AOX1: variants seen among roughly 807,000 people sequenced by gnomAD.
The protein encoded by AOX1 is aldehyde oxidase 1.
A neutral mutation model predicts 169.5 loss-of-function variants in AOX1; 153 were observed. The observed-to-expected ratio is 0.90, with a 90% CI of 0.79 to 1.03. The LOEUF (loss-of-function observed/expected upper bound fraction) is 1.03, where lower values mean the gene tolerates loss of function less well. Ranked by LOEUF, AOX1 falls within the 50% of genes least tolerant of loss-of-function variation. AOX1 has a pLI of 0.00. For missense variants in AOX1, 1,656 were observed against 1,663.9 expected, an observed-to-expected ratio of 1.00 and a Z score of 0.08; for synonymous variants, 562 against 581.9, an observed-to-expected ratio of 0.97 and a Z score of 0.49.
At chr2:200,625,371 C>T (rs953372715) in intron 19 of AOX1, among the ~76,000 whole-genome samples, 3 of 152,106 alleles carry the variant, frequency 2.0e-5, no homozygotes, top group Admixed American at 1.3e-4. Flanking sequence ...CTCTCCACTC[C>T]CCCTACCTTC....
At chr2:200,642,290 T>C (rs2035367181) in intron 24 of AOX1, among the ~76,000 whole-genome samples, 1 of 152,218 alleles carries the variant, frequency 6.6e-6, no homozygotes, top group South Asian at 2.1e-4. Context: ...TCCAGGATAT[T>C]ATATTCATTA....
chr2:200,680,503 A>G (rs1296842913), downstream of AOX1, among the ~76,000 whole-genome samples: 1 of 152,042 alleles, frequency 6.6e-6, no homozygotes, highest in Non-Finnish European at 1.5e-5. Flanking sequence ...CATCAGAGGC[A>G]CACAACAGTG....
intron 5 of AOX1, among the ~76,000 whole-genome samples, chr2:200,600,354 G>A (rs916578664): frequency 2.0e-5 from 3 of 152,164 alleles, no homozygotes; most frequent in Non-Finnish European, 2.9e-5. Context: ...AGAGGGCTGC[G>A]ATGGTTACAG....
In AOX1 at chr2:200,643,386, TAC is replaced by T. The variant is rs71405400; in HGVS notation, c.2847+597_2847+598del. Among the ~76,000 whole-genome samples the T allele has an allele frequency of 1.5e-4, 22 of 149,454 alleles. No homozygotes were observed. The East Asian group carries it at 4.0e-3, about 27-fold the overall frequency. On this transcript the variant is annotated intron_variant, in intron 25 of 34. Transcript: ENST00000374700. ...ACACATATATATGTGTATATATATA[TAC>T]ACACACACACATATATATATATATA...
intron 4 of AOX1, among the ~76,000 whole-genome samples, chr2:200,598,743 CAAAA>C (rs370497141): frequency 9.2e-6 from 1 of 108,804 alleles, no homozygotes; most frequent in African/African-American, 3.5e-5. Context: ...GACTCTGTCT[CAAAA>C]AAAAAAAAAG....
Position 200,657,190 on chromosome 2 carries a change from A to ATATATATATTTTTTTT in AOX1, c.3171+254_3171+255insATATATATTTTTTTTT. On this transcript the variant is annotated intron_variant, in intron 27 of 34. Transcript: ENST00000374700. The stretch of plus-strand genomic sequence containing the variant: ...AATATATATATATATATATATATAT[A>ATATATATATTTTTTTT]TTTTTTTTTTTTTTTAATTAGCAGG... 5.6e-4 allele frequency among the ~76,000 whole-genome samples: 35 copies of ATATATATATTTTTTTT among 62,856 alleles called. 1 individual carries two copies. Among genetic ancestry groups the ATATATATATTTTTTTT allele is most frequent in the African/African-American group, 2.5e-3 (32 of 12,618 alleles). 41.2% of individuals were successfully genotyped at this position (62,856 alleles called of 152,430 possible).
intron 1 of AOX1, among the ~76,000 whole-genome samples, chr2:200,589,988 A>T (rs1476834990): frequency 2.0e-5 from 3 of 152,166 alleles, no homozygotes. Flanking sequence ...GCTCAGGAAG[A>T]TGTGTCCCCA....
chr2:200,610,292 G>A (rs947679245), intron 12 of AOX1, among the ~76,000 whole-genome samples: 2 of 152,018 alleles, frequency 1.3e-5, no homozygotes, highest in African/African-American at 4.8e-5. Context: ...GGCTGGTCTC[G>A]AACTCCTGAC....
At chr2:200,676,881 G>A (rs536816985) in exon 5 of AOX1, 1 of 470,338 alleles carries the variant, frequency 2.1e-6, no homozygotes, top group South Asian at 1.6e-5. Context: ...CTTCCAGGGA[G>A]CACATGGCAA....
At position 200,624,016 on chromosome 2, in the gene AOX1, G is replaced by A. The variant is rs753051694; in HGVS notation, c.2124+33G>A. 3 of 1,610,146 alleles carry A rather than the reference G, an allele frequency of 1.9e-6. No homozygotes were observed. In the Admixed American group the frequency reaches 5.0e-5, roughly 27 times the overall value. ...GTTCTGTGGAATGGTGGTGCCAGTT[G>A]GGAGCCAGAACAAATATCAGTTAAA... On this transcript the variant is annotated intron_variant, in intron 19 of 34. Coordinates refer to ENST00000374700, the MANE Select transcript of AOX1 (RefSeq NM_001159.4).
chr2:200,669,813 A>G, intron 34 of AOX1, 71 bp downstream of exon 34: 1 of 1,536,812 alleles, frequency 6.5e-7, no homozygotes, highest in Non-Finnish European at 8.9e-7. Context: ...TCTTGTGGTA[A>G]GTTTTCGTGA....
At chr2:200,620,397 C>T (rs59699466) in intron 16 of AOX1, among the ~76,000 whole-genome samples, 33,931 of 151,190 alleles carry the variant, frequency 0.22, 4,016 homozygotes, top group East Asian at 0.3. Context: ...TTAGTAGAGA[C>T]GGGGTTTTAC....
intron 2 of AOX1, among the ~76,000 whole-genome samples, chr2:200,594,491 A>G (rs569516155): frequency 9.8e-5 from 15 of 152,340 alleles, no homozygotes; most frequent in African/African-American, 3.6e-4. Context: ...TGAGGAACCA[A>G]GCAGCACCTT....
chr2:200,657,803 G>C (rs1256833808), intron 27 of AOX1, among the ~76,000 whole-genome samples: 1 of 152,096 alleles, frequency 6.6e-6, no homozygotes, highest in Non-Finnish European at 1.5e-5. Context: ...ATATTTGGAA[G>C]CAGCAGAACA....
chr2:200,631,448 C>T (rs572611401), intron 20 of AOX1, among the ~76,000 whole-genome samples: 1 of 152,346 alleles, frequency 6.6e-6, no homozygotes, highest in Admixed American at 6.5e-5. Flanking sequence ...CACAACCTAT[C>T]CTGCTGGGCA....
chr2:200,657,186 A>ATTTTTTTTTTTTTTTT (rs1323706482), intron 27 of AOX1, among the ~76,000 whole-genome samples: 1 of 65,780 alleles, frequency 1.5e-5, no homozygotes, highest in African/African-American at 6.6e-5. Context: ...ATATATATAT[A>ATTTTTTTTTTTTTTTT]TATATTTTTT....
chr2:200,644,513 C>T (rs2035413648), intron 25 of AOX1, among the ~76,000 whole-genome samples: 1 of 152,108 alleles, frequency 6.6e-6, no homozygotes, highest in Non-Finnish European at 1.5e-5. Flanking sequence ...TCTTTGCTTA[C>T]TCTTGCTTTG....
chr2:200,646,747 G>A (rs902458068), intron 25 of AOX1, among the ~76,000 whole-genome samples: 2 of 152,002 alleles, frequency 1.3e-5, no homozygotes, highest in African/African-American at 4.8e-5. Flanking sequence ...CCAGTGTTAG[G>A]TGTGTATATG....
intron 15 of AOX1, among the ~76,000 whole-genome samples, chr2:200,615,380 C>A (rs1430072542): frequency 5.9e-5 from 9 of 152,132 alleles, no homozygotes; most frequent in Non-Finnish European, 8.8e-5. Flanking sequence ...GCCTTTCCCC[C>A]CATCCAGCTC....
Sources: allele counts gnomAD v4.1 joint callset (sites outside exome capture counted in the v4.1 genomes callset), GRCh38; gene constraint gnomAD v4.1.1; transcripts MANE v1.5; gene names NCBI Gene and HGNC (gene_info 2026-07-23, HGNC 2026-07-21).